The following MRS2 variants were observed in gnomAD, a reference collection of about 807,000 sequenced individuals.
The protein encoded by MRS2 is magnesium transporter MRS2 homolog, mitochondrial.
MRS2 carries 40 observed loss-of-function variants against 52.6 expected under a neutral mutation model. The observed-to-expected ratio is 0.76, with a 90% CI of 0.59 to 0.99. The LOEUF is 0.99. MRS2 is among the 50% of genes least tolerant of loss of function. The pLI, the probability that MRS2 is intolerant of heterozygous loss-of-function variation, is 0.00. For missense variants in MRS2, 472 were observed against 532.7 expected (o/e 0.89, Z 1.12); for synonymous variants, 193 against 195.9 (o/e 0.98, Z 0.13).
chr6:24,418,991 A>G (rs1041563158), intron 9 of MRS2: 2 of 161,100 alleles, frequency 1.2e-5, no homozygotes, highest in Non-Finnish European at 2.7e-5. Flanking sequence ...TAATCCCAGC[A>G]CTTTGGGAGG....
chr6:24,411,695 C>T (rs372662349), intron 4 of MRS2, among the ~76,000 whole-genome samples: 5 of 152,118 alleles, frequency 3.3e-5, no homozygotes, highest in African/African-American at 7.2e-5. Context: ...TGGGCCACCA[C>T]GCCTAACTGA....
intron 9 of MRS2, among the ~76,000 whole-genome samples, chr6:24,422,226 G>A (rs893857297): frequency 2.6e-5 from 4 of 152,324 alleles, no homozygotes; most frequent in African/African-American, 9.6e-5. Context: ...GATCAGTTGT[G>A]TAACAGGCTA....
rs1462645666 is a variant in MRS2, at chr6:24,423,906, T to A, written c.*212T>A. 1 of 302,136 alleles carries A rather than the reference T, an allele frequency of 3.3e-6. No homozygotes were observed. Among genetic ancestry groups the A allele is most frequent in the East Asian group, 5.6e-5 (1 of 17,984 alleles). The allele number at this position is 302,136 out of a possible 1,614,324, so 18.7% of individuals were successfully genotyped here. On this transcript the variant is annotated 3_prime_UTR_variant, in exon 11 of 11. Transcript: ENST00000378386. Reference sequence around the variant, plus strand: ...GTATTTGCTTTGTAAAAGGCCAAAATTCTATTTCCTACAAACTTTAAATGC... The same window carrying A: ...GTATTTGCTTTGTAAAAGGCCAAAAATCTATTTCCTACAAACTTTAAATGC...
Position 24,418,112 on chromosome 6 carries a change from G to A in MRS2, c.865G>A (p.Ala289Thr). The change falls in exon 8 of 11, where the codon GCA (alanine) becomes ACA (threonine). Residue 289 changes from alanine to threonine, a missense_variant. Transcript: ENST00000378386. ...FEKSSAGIDH[A>T]EEMELLLENY... is the part of the protein sequence containing the mutation. ...AAAGAGCAGTGCTGGGATTGACCAT[G>A]CAGAAGAGATGGAGTTGCTGTTGGA... 1.2e-6 allele frequency: 2 copies of A among 1,613,276 alleles called. No individual in the cohort carries two copies. Among genetic ancestry groups the A allele is most frequent in the Non-Finnish European group, 1.7e-6 (2 of 1,179,694 alleles).
chr6:24,422,411 C>T (rs1762075558), intron 9 of MRS2, among the ~76,000 whole-genome samples: 3 of 152,194 alleles, frequency 2.0e-5, no homozygotes, highest in African/African-American at 7.2e-5. Context: ...GAATGTTTTT[C>T]TAAGTCTGAG....
intron 5 of MRS2, among the ~76,000 whole-genome samples, chr6:24,414,602 C>T (rs902615937): frequency 6.6e-6 from 1 of 152,156 alleles, no homozygotes; most frequent in South Asian, 2.1e-4. Context: ...TCCACATTTC[C>T]CCCTTTTCTA....
intron 1 of MRS2, among the ~76,000 whole-genome samples, 160 bp from the exon 2 acceptor site, chr6:24,405,006 CAG>C (rs755713581): frequency 6.6e-6 from 1 of 152,190 alleles, no homozygotes; most frequent in Non-Finnish European, 1.5e-5. Context: ...TAGTCACTAA[CAG>C]ATGTTAAAAT....
rs1443526409 is a variant in MRS2, at chr6:24,423,585, TG to T, written c.1225del (p.Ala409LeufsTer16). Reference sequence around the variant, plus strand: ...AATTAATACTTCTGCTTTATTTAGATGGCTTCTTTACCTAAAAAGACTCTTC... The same window carrying T: ...AATTAATACTTCTGCTTTATTTAGATGCTTCTTTACCTAAAAAGACTCTTC... ...RQLEAPLPPM[M>X]ASLPKKTLLA... On this transcript the variant is annotated frameshift_variant and splice_region_variant, in exon 11 of 11. Transcript: ENST00000378386. LOFTEE classifies it high-confidence loss of function. 6.4e-7 allele frequency: 1 copy of T among 1,563,782 alleles called. No homozygotes were observed. The highest frequency in any genetic ancestry group is 1.4e-5 in the African/African-American group (1 of 73,424).
At chr6:24,405,478 A>G (rs1761436669) in intron 2 of MRS2, among the ~76,000 whole-genome samples, 1 of 152,194 alleles carries the variant, frequency 6.6e-6, no homozygotes, top group Non-Finnish European at 1.5e-5. Context: ...GGTCAATCAC[A>G]ATTCAGAGCC....
In MRS2 at chr6:24,425,781, T is replaced by C. The variant is rs1379794619; in HGVS notation, c.*2087T>C. 6.6e-6 allele frequency: 1 copy of C among 152,230 alleles called. No individual in the cohort carries two copies. The highest frequency in any genetic ancestry group is 1.5e-5 in the Non-Finnish European group (1 of 68,032). 9.4% of individuals were successfully genotyped at this position (152,230 alleles called of 1,614,324 possible). A position where few individuals can be genotyped will look rare whatever the true frequency, so the allele number is the denominator to read the frequency against. ...GCTCCTAAACAAATGTGAGCACAATTATTAACACCTTATTCTTCATGAACA... is the reference window on the plus strand; with the variant it reads ...GCTCCTAAACAAATGTGAGCACAATCATTAACACCTTATTCTTCATGAACA... On this transcript the variant is annotated 3_prime_UTR_variant, in exon 11 of 11. Transcript: ENST00000378386.
At chr6:24,411,588 G>A (rs1344596549) in intron 4 of MRS2, among the ~76,000 whole-genome samples, 2 of 152,116 alleles carry the variant, frequency 1.3e-5, no homozygotes, top group African/African-American at 4.8e-5. Flanking sequence ...CGCCAGGCTG[G>A]AGTGCAGTGG....
chr6:24,422,184 A>G (rs1762066248), intron 9 of MRS2, among the ~76,000 whole-genome samples: 1 of 152,196 alleles, frequency 6.6e-6, no homozygotes. Flanking sequence ...TTTCTGTTCA[A>G]TAAGTGACAT....
chr6:24,408,522 T>C lies in MRS2; in HGVS notation c.301+78T>C, dbSNP rs1761549459. 2.8e-6 allele frequency: 3 copies of C among 1,053,544 alleles called. No individual in the cohort carries two copies. The African/African-American group carries it at 4.8e-5, about 17-fold the overall frequency. 65.3% of individuals were successfully genotyped at this position (1,053,544 alleles called of 1,614,324 possible). ...ATAGAAATCAAGAAATTGTAGTATTTTGAGTAAAATATTCTTTGCATATAC... is the reference window on the plus strand; with the variant it reads ...ATAGAAATCAAGAAATTGTAGTATTCTGAGTAAAATATTCTTTGCATATAC... On this transcript the variant is annotated intron_variant, in intron 3 of 10. Coordinates refer to ENST00000378386, the MANE Select transcript of MRS2 (RefSeq NM_020662.4).
intron 6 of MRS2, 120 bp from the exon 7 acceptor site, chr6:24,416,277 G>A (rs1761845116): frequency 2.2e-6 from 1 of 458,018 alleles, no homozygotes; most frequent in Non-Finnish European, 3.9e-6. Context: ...TTTTAAATAA[G>A]TCATTGTTTA....
chr6:24,405,385 T>C (rs1209401773), intron 2 of MRS2, 144 bp downstream of exon 2: 1 of 607,790 alleles, frequency 1.6e-6, no homozygotes, highest in East Asian at 2.9e-5. Flanking sequence ...GCCTGGCCAG[T>C]GACCTAAGTG....
chr6:24,418,942 T>A lies in MRS2; in HGVS notation c.1107+364T>A, dbSNP rs547131327. The A allele has an allele frequency of 7.7e-5, 13 of 167,890 alleles. No homozygotes were observed. In the South Asian group the frequency reaches 8.4e-4, roughly 11 times the overall value. The allele number at this position is 167,890 out of a possible 1,614,324, so 10.4% of individuals were successfully genotyped here. ...TTTGAAGATCGATATTTTTAATGGA[T>A]TTAAAAAATAAAGGCTGGGCACCTT... On this transcript the variant is annotated intron_variant, in intron 9 of 10. Coordinates refer to ENST00000378386, the MANE Select transcript of MRS2 (RefSeq NM_020662.4).
rs1762203820 is a variant in MRS2 at position 24,425,508 on chromosome 6, A to G, written c.*1814A>G. 6.6e-6 allele frequency: 1 copy of G among 152,240 alleles called. No homozygotes were observed. The highest frequency in any genetic ancestry group is 6.5e-5 in the Admixed American group (1 of 15,278). 9.4% of individuals were successfully genotyped at this position (152,240 alleles called of 1,614,324 possible). On this transcript the variant is annotated 3_prime_UTR_variant, in exon 11 of 11. Coordinates refer to ENST00000378386, the MANE Select transcript of MRS2 (RefSeq NM_020662.4). ...AAATCAAGTATGATTTCAAAATATC[A>G]ACTAGTTCCACTTTTGTGATTGCAG...
At chr6:24,423,080 G>A (rs746110972) in intron 10 of MRS2, 30 bp downstream of exon 10, 7 of 1,565,940 alleles carry the variant, frequency 4.5e-6, no homozygotes, top group Non-Finnish European at 6.1e-6. Context: ...CGGCGGTATT[G>A]TGGAAGGGTT....
chr6:24,422,160 A>C (rs943365540), intron 9 of MRS2, among the ~76,000 whole-genome samples: 6 of 151,990 alleles, frequency 3.9e-5, no homozygotes, highest in Non-Finnish European at 1.5e-5. Context: ...ACAACAACAA[A>C]AAGAGGAGGC....
Sources: gnomAD v4.1 joint callset for allele counts (sites outside exome capture counted in the v4.1 genomes callset) on GRCh38, gnomAD v4.1.1 for gene constraint, MANE v1.5 for transcripts, NCBI Gene and HGNC (gene_info 2026-07-23, HGNC 2026-07-21) for gene names.